The following KHDRBS2 variants were observed in gnomAD, a reference collection of about 807,000 sequenced individuals.
KHDRBS2 encodes the protein KH RNA binding domain containing, signal transduction associated 2, also known as KH domain-containing, RNA-binding, signal transduction-associated protein 2.
Under a neutral mutation model 44.3 loss-of-function variants are expected in KHDRBS2, and 26 were observed. That is an observed-to-expected ratio of 0.59 (90% CI 0.43 to 0.81). KHDRBS2 has a LOEUF of 0.81. Ranked by LOEUF, KHDRBS2 falls within the 40% of genes least tolerant of loss-of-function variation. The pLI is 0.00. For synonymous variants in KHDRBS2, 194 were observed against 151.1 expected (o/e 1.28, Z -2.08); for missense variants, 476 against 433.1 (o/e 1.10, Z -0.88).
At chr6:62,064,473 G>A (rs1278974021) in intron 2 of KHDRBS2, among the ~76,000 whole-genome samples, 10 of 147,792 alleles carry the variant, frequency 6.8e-5, no homozygotes, top group Middle Eastern at 6.9e-3. Context: ...CAGAAATAAC[G>A]CCGCATACCT....
chr6:62,075,706 C>T (rs1341755341), intron 2 of KHDRBS2, among the ~76,000 whole-genome samples: 1 of 151,750 alleles, frequency 6.6e-6, no homozygotes, highest in Non-Finnish European at 1.5e-5. Flanking sequence ...CTCTATCATC[C>T]CAGGCTTTAT....
chr6:61,812,584 T>C (rs1175882713), intron 6 of KHDRBS2, among the ~76,000 whole-genome samples: 1 of 152,058 alleles, frequency 6.6e-6, no homozygotes, highest in East Asian at 1.9e-4. Context: ...AATCAGCTAG[T>C]TTATAACTTT....
chr6:62,258,380 C>G (rs1430100938), intron 1 of KHDRBS2, among the ~76,000 whole-genome samples: 1 of 151,988 alleles, frequency 6.6e-6, no homozygotes, highest in Non-Finnish European at 1.5e-5. Context: ...TTACCCTGAA[C>G]AGATGAATGA....
intron 2 of KHDRBS2, among the ~76,000 whole-genome samples, chr6:62,100,408 G>T (rs1361773050): frequency 1.3e-5 from 2 of 152,212 alleles, no homozygotes; most frequent in East Asian, 3.8e-4. Context: ...TAAAGACATA[G>T]TAGGTTGGAG....
intron 6 of KHDRBS2, among the ~76,000 whole-genome samples, chr6:61,818,316 A>G (rs1301787169): frequency 6.6e-6 from 1 of 151,596 alleles, no homozygotes; most frequent in Non-Finnish European, 1.5e-5. Context: ...AGGGGAAGAG[A>G]AAAGGATAGA....
intron 2 of KHDRBS2, among the ~76,000 whole-genome samples, chr6:62,119,634 G>C (rs1807114256): frequency 6.6e-6 from 1 of 152,174 alleles, no homozygotes; most frequent in Non-Finnish European, 1.5e-5. Flanking sequence ...GGAGGACCCT[G>C]ATGAAGCTGG....
intron 6 of KHDRBS2, among the ~76,000 whole-genome samples, chr6:61,801,819 C>G (rs1029287964): frequency 6.6e-6 from 1 of 152,128 alleles, no homozygotes; most frequent in African/African-American, 2.4e-5. Flanking sequence ...TAAAACTTCT[C>G]TTAGTTATTC....
rs139846629 is a variant in KHDRBS2 at position 62,250,894 on chromosome 6, A to G, written c.91+34964T>C. The stretch of plus-strand genomic sequence containing the variant: ...AGACAAGTTATAGAAAATGTTTTAG[A>G]TAAAGGAGGCTAAAGAGACTCCTCA... On this transcript the variant is annotated intron_variant, in intron 1 of 8. Transcript: ENST00000281156. Among the ~76,000 whole-genome samples, 384 of 152,126 alleles carry G rather than the reference A, an allele frequency of 2.5e-3. 3 individuals carry two copies. Among genetic ancestry groups the G allele is most frequent in the African/African-American group, 8.4e-3 (351 of 41,552 alleles).
At chr6:62,281,778 C>T (rs1408731949) in intron 1 of KHDRBS2, among the ~76,000 whole-genome samples, 2 of 151,936 alleles carry the variant, frequency 1.3e-5, no homozygotes, top group Non-Finnish European at 2.9e-5. Context: ...GATGAAGAAA[C>T]TGAGTATCAG....
chr6:61,684,473 G>T (rs1472312697), intron 8 of KHDRBS2, among the ~76,000 whole-genome samples: 1 of 151,760 alleles, frequency 6.6e-6, no homozygotes, highest in East Asian at 1.9e-4. Flanking sequence ...GTCCTCTTGG[G>T]TCTCTCAGTA....
chr6:61,977,743 T>C (rs1224487371), intron 4 of KHDRBS2, among the ~76,000 whole-genome samples: 1 of 152,124 alleles, frequency 6.6e-6, no homozygotes, highest in South Asian at 2.1e-4. Context: ...TTTCAAGTGA[T>C]GGAGATGCAA....
chr6:61,626,340 T>G, the KHDRBS2 span, among the ~76,000 whole-genome samples: 1 of 152,302 alleles, frequency 6.6e-6, no homozygotes, highest in East Asian at 1.9e-4. Flanking sequence ...GGTAGGCTGG[T>G]TGGTCTTCTG....
At chr6:62,053,405 C>T (rs556454493) in intron 2 of KHDRBS2, among the ~76,000 whole-genome samples, 2 of 151,860 alleles carry the variant, frequency 1.3e-5, no homozygotes, top group East Asian at 3.9e-4. Flanking sequence ...AGTATCATAG[C>T]TAAGTCCTGT....
rs193263417 is a variant in KHDRBS2, at chr6:62,227,656, G to A, written c.92-50344C>T. Among the ~76,000 whole-genome samples, 378 of 152,246 alleles carry A rather than the reference G, an allele frequency of 2.5e-3. 1 individual carries two copies. Among genetic ancestry groups the A allele is most frequent in the African/African-American group, 8.8e-3 (367 of 41,540 alleles). ...GCTCATTGAGTATGATATTGGCTGT[G>A]TGTTTGTCATAAATAGTTGTTTTTA... is the stretch of plus-strand genomic sequence containing the variant. On this transcript the variant is annotated intron_variant, in intron 1 of 8. Coordinates refer to ENST00000281156, the MANE Select transcript of KHDRBS2 (RefSeq NM_152688.4).
intron 8 of KHDRBS2, among the ~76,000 whole-genome samples, chr6:61,692,036 C>A (rs1412439287): frequency 2.0e-5 from 3 of 152,074 alleles, no homozygotes; most frequent in African/African-American, 7.2e-5. Context: ...ATAAATAGCT[C>A]TTTTCTCAGA....
the KHDRBS2 span, among the ~76,000 whole-genome samples, chr6:61,545,453 G>A: frequency 1.3e-5 from 2 of 151,768 alleles, no homozygotes; most frequent in Non-Finnish European, 2.9e-5. Context: ...GTGAAGGAAG[G>A]TGGAGGGGAT....
At chr6:61,664,075 C>A in the KHDRBS2 span, among the ~76,000 whole-genome samples, 7 of 151,714 alleles carry the variant, frequency 4.6e-5, no homozygotes, top group Non-Finnish European at 1.0e-4. Flanking sequence ...GTTTATTATA[C>A]CAGAAAGGCT....
rs1190421334 is a variant in KHDRBS2 at position 61,986,928 on chromosome 6, T to A, written c.337-8716A>T. ...GGGATCAAGGATTCAACATATGAAT[T>A]TTGAGGGACACAAACATTTAGTCCA... On this transcript the variant is annotated intron_variant, in intron 3 of 8. Coordinates refer to ENST00000281156, the MANE Select transcript of KHDRBS2 (RefSeq NM_152688.4). 6.6e-5 allele frequency among the ~76,000 whole-genome samples: 10 copies of A among 152,282 alleles called. No homozygotes were observed. In the East Asian group the frequency reaches 1.9e-3, roughly 29 times the overall value.
chr6:61,747,132 A>T (rs1366182700), intron 6 of KHDRBS2, among the ~76,000 whole-genome samples: 1 of 152,166 alleles, frequency 6.6e-6, no homozygotes, highest in East Asian at 1.9e-4. Flanking sequence ...ATATGAAAAA[A>T]AAAGCTCATC....
Sources: allele counts gnomAD v4.1 joint callset (sites outside exome capture counted in the v4.1 genomes callset), GRCh38; gene constraint gnomAD v4.1.1; transcripts MANE v1.5; gene names NCBI Gene and HGNC (gene_info 2026-07-23, HGNC 2026-07-21).